JAK1: variants seen among roughly 807,000 people sequenced by gnomAD.
JAK1 encodes Janus kinase 1.
JAK1 carries 16 observed loss-of-function variants against 136.6 expected under a neutral mutation model. That is an observed-to-expected ratio of 0.12 (90% CI 0.08 to 0.18). The LOEUF (loss-of-function observed/expected upper bound fraction) is 0.18. Among genes scored for constraint, JAK1 ranks in the 10% least tolerant of loss-of-function variants. JAK1 has a pLI of 1.00. For missense variants in JAK1, 859 were observed against 1,450.1 expected (o/e 0.59, Z 6.62); for synonymous variants, 492 against 519.5 (o/e 0.95, Z 0.72).
rs764489940 is a variant in JAK1, at chr1:64,844,796, G to A, written c.2209C>T (p.Leu737Phe). The change falls in exon 16 of 25, where the codon CTC becomes TTC. Residue 737 changes from leucine (L) to phenylalanine (F), a missense_variant. Transcript: ENST00000342505. The surrounding 1 kb of genome is among the most constrained non-coding windows in gnomAD (Gnocchi z 5.7). The stretch of plus-strand genomic sequence containing the variant: ...GTAATGGGGATGCCGGGGTCACTGA[G>A]CTTGATGAATGGGCCACACTCACTG... ...IDSECGPFIKLSDPGIPITVL... is the reference protein window; with the variant it reads ...IDSECGPFIKFSDPGIPITVL... 6.2e-7 allele frequency: 1 copy of A among 1,614,202 alleles called. No individual in the cohort carries two copies. The highest frequency in any genetic ancestry group is 8.5e-7 in the Non-Finnish European group (1 of 1,180,038).
At chr1:64,956,340 A>T (rs1646187335) in intron 1 of JAK1, among the ~76,000 whole-genome samples, 1 of 152,232 alleles carries the variant, frequency 6.6e-6, no homozygotes, top group Non-Finnish European at 1.5e-5. Flanking sequence ...GTGTCAAAGG[A>T]CACACAGCAA....
intron 2 of JAK1, among the ~76,000 whole-genome samples, chr1:65,033,050 AT>A (rs1647037310): frequency 1.3e-5 from 2 of 152,194 alleles, no homozygotes; most frequent in Non-Finnish European, 2.9e-5. Flanking sequence ...TTTACCCTTA[AT>A]CCTTTCCTCC....
intron 1 of JAK1, among the ~76,000 whole-genome samples, chr1:65,047,696 G>GC (rs1350955976): frequency 6.6e-6 from 1 of 151,526 alleles, no homozygotes; most frequent in Admixed American, 6.6e-5. Context: ...TCCAGCCCGG[G>GC]CAACAGAGCG....
chr1:64,867,339 A>AGT, intron 6 of JAK1, 131 bp from the exon 7 acceptor site: 1 of 643,762 alleles, frequency 1.6e-6, no homozygotes, highest in South Asian at 2.0e-5. Context: ...AGAGGACGTT[A>AGT]GATGGAGTTA....
intron 1 of JAK1, among the ~76,000 whole-genome samples, chr1:64,946,748 G>A (rs956092403): frequency 7.2e-6 from 1 of 138,214 alleles, no homozygotes; most frequent in Non-Finnish European, 1.5e-5. Flanking sequence ...GGGTCTCAAC[G>A]AGATATTTGC....
At chr1:65,014,211 A>G (rs562846831) in intron 2 of JAK1, among the ~76,000 whole-genome samples, 2 of 152,292 alleles carry the variant, frequency 1.3e-5, no homozygotes, top group African/African-American at 4.8e-5. Flanking sequence ...TTAGAGCACT[A>G]GAAGACCAGA....
intron 1 of JAK1, among the ~76,000 whole-genome samples, chr1:65,063,072 T>G (rs578481): frequency 6.6e-6 from 1 of 152,152 alleles, no homozygotes; most frequent in East Asian, 1.9e-4. Flanking sequence ...CACGTTAGCA[T>G]TGTACTTTTT....
At chr1:64,847,775 T>A in intron 12 of JAK1, 100 bp from the exon 13 acceptor site, 1 of 1,374,308 alleles carries the variant, frequency 7.3e-7, no homozygotes, top group Non-Finnish European at 1.0e-6. Flanking sequence ...ATCAATGGGA[T>A]GGGGCAAAGG....
intron 19 of JAK1, 82 bp downstream of exon 19, chr1:64,841,163 G>C (rs1654874440): frequency 1.0e-6 from 1 of 996,186 alleles, no homozygotes; most frequent in East Asian, 2.4e-5. Flanking sequence ...AAAGAATGGA[G>C]AGCAGCTGTA....
intron 1 of JAK1, among the ~76,000 whole-genome samples, chr1:65,067,299 G>A (rs1648099751): frequency 6.7e-6 from 1 of 149,902 alleles, no homozygotes; most frequent in African/African-American, 2.4e-5. Flanking sequence ...CCAGACCCCA[G>A]TGCGGATGCC....
At chr1:64,873,189 A>C (rs2101156715) in intron 5 of JAK1, among the ~76,000 whole-genome samples, 181 bp downstream of exon 5, 1 of 152,326 alleles carries the variant, frequency 6.6e-6, no homozygotes, top group Non-Finnish European at 1.5e-5. Context: ...GCCTCTTGGA[A>C]AGCTGAAATG....
intron 2 of JAK1, among the ~76,000 whole-genome samples, chr1:64,884,724 G>C (rs1180069596): frequency 6.6e-6 from 1 of 152,040 alleles, no homozygotes; most frequent in African/African-American, 2.4e-5. Context: ...ACTTTCTTTA[G>C]AATTCAGCTC....
chr1:65,015,644 C>T (rs1348881008), intron 2 of JAK1, among the ~76,000 whole-genome samples: 1 of 152,018 alleles, frequency 6.6e-6, no homozygotes, highest in Non-Finnish European at 1.5e-5. Context: ...CAAAGCTTCT[C>T]GGACTGGAGA....
chr1:64,858,801 A>T (rs1656108151), intron 9 of JAK1, among the ~76,000 whole-genome samples: 1 of 152,206 alleles, frequency 6.6e-6, no homozygotes, highest in South Asian at 2.1e-4. Flanking sequence ...GAAGGAAAAT[A>T]AGGTAGAGTG....
intron 1 of JAK1, among the ~76,000 whole-genome samples, chr1:64,963,137 C>A (rs1374363218): frequency 6.6e-6 from 1 of 152,080 alleles, no homozygotes; most frequent in African/African-American, 2.4e-5. Context: ...ATGTAATTTA[C>A]CTTTACATCG....
At chr1:64,856,051 T>C (rs571745187) in intron 10 of JAK1, among the ~76,000 whole-genome samples, 2 of 152,318 alleles carry the variant, frequency 1.3e-5, no homozygotes, top group African/African-American at 2.4e-5. Context: ...ACATGGTGTA[T>C]TGAAAAACTT....
At chr1:64,915,418 A>G (rs1185452366) in intron 1 of JAK1, among the ~76,000 whole-genome samples, 5 of 152,196 alleles carry the variant, frequency 3.3e-5, no homozygotes, top group Admixed American at 3.3e-4. Context: ...AAATTAACGT[A>G]TACCACAGAA....
At position 64,864,665 on chromosome 1, in the gene JAK1, T is replaced by G. The variant is rs904214323; in HGVS notation, c.1176+122A>C. 1.1e-5 allele frequency: 9 copies of G among 808,672 alleles called. No individual in the cohort carries two copies. The South Asian group carries it at 1.8e-4, about 16-fold the overall frequency. The allele number at this position is 808,672 out of a possible 1,614,324, so 50.1% of individuals were successfully genotyped here. On this transcript the variant is annotated intron_variant, in intron 8 of 24. Transcript: ENST00000342505. ...GGTAATAGGAACTTTTTGGCTTCAA[T>G]AAGAAAATCCTGTTTTCTCTTTAGG...
chr1:64,972,220 C>T (rs932220301), intron 2 of JAK1: 1 of 152,146 alleles, frequency 6.6e-6, no homozygotes, highest in Admixed American at 6.5e-5. Context: ...AGTGAGAAAG[C>T]ATATAGAAAA....
Sources: gnomAD v4.1 joint callset for allele counts (sites outside exome capture counted in the v4.1 genomes callset) on GRCh38, gnomAD v4.1.1 for gene constraint, Gnocchi (gnomAD v3.1) non-coding constraint, MANE v1.5 for transcripts, NCBI Gene and HGNC (gene_info 2026-07-23, HGNC 2026-07-21) for gene names.